C1QTNF3: variants seen among roughly 807,000 people sequenced by gnomAD.
C1QTNF3 encodes the protein C1q and TNF related 3.
C1QTNF3 carries 26 observed loss-of-function variants against 32.6 expected under a neutral mutation model. That is an observed-to-expected ratio of 0.80 (90% CI 0.58 to 1.11). The LOEUF is 1.11. Ranked by LOEUF, C1QTNF3 falls within the 50% of genes least tolerant of loss-of-function variation. The pLI is 0.00. For synonymous variants in C1QTNF3, 155 were observed against 146.0 expected (o/e 1.06, Z -0.44); for missense variants, 362 against 398.2 (o/e 0.91, Z 0.77).
the C1QTNF3 span, chr5:34,166,785 A>T: frequency 6.7e-5 from 10 of 150,208 alleles, no homozygotes; most frequent in African/African-American, 1.7e-4. Context: ...TCTGATGATC[A>T]TTTTTTTTTT....
At chr5:34,056,473 T>TAGAGAGAG in the C1QTNF3 span, among the ~76,000 whole-genome samples, 1 of 106,984 alleles carries the variant, frequency 9.3e-6, no homozygotes, top group Non-Finnish European at 1.8e-5. Context: ...TATATATATA[T>TAGAGAGAG]ATATATAGAG....
the C1QTNF3 span, among the ~76,000 whole-genome samples, chr5:34,232,185 T>C: frequency 6.6e-6 from 1 of 151,876 alleles, no homozygotes; most frequent in Non-Finnish European, 1.5e-5. Flanking sequence ...TTCTCCCTTA[T>C]GGAATTGGAG....
chr5:34,038,193 T>C (rs1561060471), intron 1 of C1QTNF3, among the ~76,000 whole-genome samples: 1 of 152,136 alleles, frequency 6.6e-6, no homozygotes, highest in Non-Finnish European at 1.5e-5. Context: ...GCACAGAAAA[T>C]GACTCTTCAA....
At chr5:34,185,156 G>C in the C1QTNF3 span, among the ~76,000 whole-genome samples, 1 of 152,304 alleles carries the variant, frequency 6.6e-6, no homozygotes, top group African/African-American at 2.4e-5. Flanking sequence ...AGACCAGCCT[G>C]GCCAACGTGG....
chr5:34,072,462 C>T, the C1QTNF3 span, among the ~76,000 whole-genome samples: 1 of 152,064 alleles, frequency 6.6e-6, no homozygotes, highest in Non-Finnish European at 1.5e-5. Flanking sequence ...TGAGGCTCAG[C>T]AAATGATGGA....
the C1QTNF3 span, among the ~76,000 whole-genome samples, chr5:34,132,056 C>T: frequency 6.6e-6 from 1 of 152,026 alleles, no homozygotes; most frequent in Non-Finnish European, 1.5e-5. Flanking sequence ...TGTGATGACT[C>T]GTGTGATAAC....
Position 34,038,632 on chromosome 5 carries a change from C to CTCA in C1QTNF3, c.304-2877_304-2875dup, listed in dbSNP as rs143011672. Among the ~76,000 whole-genome samples, 775 of 152,280 alleles carry CTCA rather than the reference C, an allele frequency of 5.1e-3. 6 individuals carry two copies. Among genetic ancestry groups the CTCA allele is most frequent in the African/African-American group, 0.018 (739 of 41,556 alleles). ...GTCTTAAGACCCCCTCCTTAGGAAT[C>CTCA]TCATCAAATAACCAGGAAAGATTAA... On this transcript the variant is annotated intron_variant, in intron 1 of 5. Transcript: ENST00000382065.
chr5:34,167,778 G>GTA, the C1QTNF3 span: 1 of 152,098 alleles, frequency 6.6e-6, no homozygotes, highest in Non-Finnish European at 1.5e-5. Context: ...ATATAATGAA[G>GTA]TGGTTACTTT....
the C1QTNF3 span, among the ~76,000 whole-genome samples, chr5:34,048,274 A>G: frequency 0.064 from 8,187 of 128,190 alleles, 851 homozygotes; most frequent in African/African-American, 0.22. Context: ...GTGTGTGTGT[A>G]TGTGTGTGTG....
the C1QTNF3 span, among the ~76,000 whole-genome samples, chr5:34,052,225 A>G: frequency 1.1e-4 from 17 of 152,222 alleles, no homozygotes; most frequent in Admixed American, 2.6e-4. Flanking sequence ...CAGATAGTCT[A>G]TGGACTGTCC....
chr5:34,148,186 ACCTGG>A, the C1QTNF3 span, among the ~76,000 whole-genome samples: 4 of 148,440 alleles, frequency 2.7e-5, no homozygotes, highest in East Asian at 8.3e-4. Flanking sequence ...TATATCCCAC[ACCTGG>A]CTTGGAGGGT....
At chr5:34,056,442 GTGTGTGTGTGTGTATATATATA>G in the C1QTNF3 span, among the ~76,000 whole-genome samples, 2 of 52,086 alleles carry the variant, frequency 3.8e-5, no homozygotes, top group Admixed American at 2.8e-4. Context: ...GTGTGTGTGT[GTGTGTGTGTGTGTATATATATA>G]TATATATATA....
chr5:34,161,184 C>T, the C1QTNF3 span, among the ~76,000 whole-genome samples: 1 of 152,168 alleles, frequency 6.6e-6, no homozygotes, highest in Non-Finnish European at 1.5e-5. Flanking sequence ...ATTAAGTTCA[C>T]CATATCCATG....
At chr5:34,206,934 A>G in the C1QTNF3 span, among the ~76,000 whole-genome samples, 8 of 152,204 alleles carry the variant, frequency 5.3e-5, no homozygotes, top group Non-Finnish European at 8.8e-5. Context: ...AAGCTCTGAG[A>G]GCAAACCCTG....
the C1QTNF3 span, among the ~76,000 whole-genome samples, chr5:34,054,512 G>A: frequency 6.6e-6 from 1 of 152,182 alleles, no homozygotes; most frequent in Non-Finnish European, 1.5e-5. Context: ...AGAAATGAAT[G>A]AGCCGGGCTG....
At chr5:34,177,480 CTTT>C in the C1QTNF3 span, among the ~76,000 whole-genome samples, 3 of 84,632 alleles carry the variant, frequency 3.5e-5, no homozygotes, top group African/African-American at 4.8e-5. Context: ...CCATACCCAA[CTTT>C]TTTTTTTTTT....
the C1QTNF3 span, among the ~76,000 whole-genome samples, chr5:34,161,014 A>G: frequency 6.6e-6 from 1 of 152,212 alleles, no homozygotes; most frequent in Non-Finnish European, 1.5e-5. Context: ...AGTGATTCAT[A>G]TGCATACATT....
chr5:34,030,124 A>C lies in C1QTNF3; in HGVS notation c.571-1241T>G, dbSNP rs2112107993. On this transcript the variant is annotated intron_variant, in intron 3 of 5. Transcript: ENST00000382065. Reference sequence around the variant, plus strand: ...TAGCAATCTTTTTGAATATTAGAACAGCAAAAATTTCTCAGCATGATTTTG... The same window carrying C: ...TAGCAATCTTTTTGAATATTAGAACCGCAAAAATTTCTCAGCATGATTTTG... Among the ~76,000 whole-genome samples the C allele has an allele frequency of 1.3e-5, 2 of 152,362 alleles. 1 individual carries two copies. The highest frequency in any genetic ancestry group is 2.9e-5 in the Non-Finnish European group (2 of 68,030).
chr5:34,136,764 G>T, the C1QTNF3 span, among the ~76,000 whole-genome samples: 1 of 152,194 alleles, frequency 6.6e-6, no homozygotes, highest in Admixed American at 6.5e-5. Flanking sequence ...GTCCATCAGT[G>T]ATAGACTGGA....
Sources: gnomAD v4.1 joint callset for allele counts (sites outside exome capture counted in the v4.1 genomes callset) on GRCh38, gnomAD v4.1.1 for gene constraint, MANE v1.5 for transcripts, NCBI Gene and HGNC (gene_info 2026-07-23, HGNC 2026-07-21) for gene names.